The following PRDM5 variants were observed in gnomAD, a reference collection of about 807,000 sequenced individuals.
The protein encoded by PRDM5 is PR/SET domain 5, also known as PR domain zinc finger protein 5.
In PRDM5, 56 loss-of-function variants were observed where a neutral mutation model predicts 81.2. That is an observed-to-expected ratio of 0.69 (90% CI 0.56 to 0.86). The LOEUF (loss-of-function observed/expected upper bound fraction) is 0.86, where lower values mean the gene tolerates loss of function less well. Ranked by LOEUF, PRDM5 falls within the 40% of genes least tolerant of loss-of-function variation. PRDM5 has a pLI of 0.00. For missense variants in PRDM5, 697 were observed against 770.1 expected (o/e 0.91, Z 1.12); for synonymous variants, 267 against 256.4 (o/e 1.04, Z -0.39).
chr4:120,806,639 T>A (rs1295594254), intron 8 of PRDM5, among the ~76,000 whole-genome samples: 1 of 152,182 alleles, frequency 6.6e-6, no homozygotes, highest in Non-Finnish European at 1.5e-5. Flanking sequence ...GAAAACTGGC[T>A]AGCCATAGGT....
intron 8 of PRDM5, among the ~76,000 whole-genome samples, chr4:120,801,745 G>A (rs1464350567): frequency 2.0e-5 from 3 of 152,170 alleles, no homozygotes; most frequent in Non-Finnish European, 1.5e-5. Flanking sequence ...GTTAAAGGCA[G>A]CCTCTTCAAT....
At chr4:120,902,800 C>A (rs1331413361) in intron 2 of PRDM5, among the ~76,000 whole-genome samples, 1 of 152,242 alleles carries the variant, frequency 6.6e-6, no homozygotes, top group Non-Finnish European at 1.5e-5. Context: ...CTAGTGAGCA[C>A]TCTGAAGCAG....
At chr4:120,742,369 C>T (rs867913085) in intron 14 of PRDM5, among the ~76,000 whole-genome samples, 78 of 152,234 alleles carry the variant, frequency 5.1e-4, no homozygotes, top group African/African-American at 1.8e-3. Flanking sequence ...AAAAGCAGAG[C>T]GCCTCTCCTC....
intron 13 of PRDM5, among the ~76,000 whole-genome samples, chr4:120,767,146 AC>A (rs774881898): frequency 1.2e-4 from 19 of 152,232 alleles, no homozygotes; most frequent in Non-Finnish European, 2.5e-4. Context: ...GGCACTATCA[AC>A]AAAAAATAAA....
intron 1 of PRDM5, among the ~76,000 whole-genome samples, chr4:120,916,386 CATAAATAA>C (rs5861497): frequency 2.9e-3 from 433 of 147,032 alleles, no homozygotes; most frequent in East Asian, 0.016. Flanking sequence ...GACTGTATCT[CATAAATAA>C]ATAAATAAAT....
At chr4:120,722,463 A>C (rs771760092) in intron 14 of PRDM5, among the ~76,000 whole-genome samples, 1 of 151,896 alleles carries the variant, frequency 6.6e-6, no homozygotes, top group Non-Finnish European at 1.5e-5. Context: ...ACCCTGGAGG[A>C]GGACCCTTCC....
At chr4:120,762,391 C>T (rs752092394) in intron 13 of PRDM5, 5 of 152,132 alleles carry the variant, frequency 3.3e-5, no homozygotes, top group Non-Finnish European at 5.9e-5. Flanking sequence ...TGATATCGTT[C>T]CACATGGTTG....
intron 10 of PRDM5, among the ~76,000 whole-genome samples, chr4:120,790,442 T>C (rs773452220): frequency 5.2e-4 from 79 of 152,268 alleles, no homozygotes; most frequent in Non-Finnish European, 8.7e-4. Context: ...AGCCTAATAT[T>C]AATAACTCAT....
intron 2 of PRDM5, among the ~76,000 whole-genome samples, chr4:120,856,507 T>C (rs1466100359): frequency 6.6e-6 from 1 of 152,162 alleles, no homozygotes; most frequent in Non-Finnish European, 1.5e-5. Context: ...ATTGCACCAG[T>C]CTAGTCTTCA....
intron 2 of PRDM5, among the ~76,000 whole-genome samples, chr4:120,891,675 T>C (rs1764061908): frequency 6.6e-6 from 1 of 152,288 alleles, no homozygotes; most frequent in Admixed American, 6.5e-5. Flanking sequence ...AGTCTCACTG[T>C]GTCACCCAGA....
chr4:120,791,939 T>C (rs1041101598), intron 10 of PRDM5, among the ~76,000 whole-genome samples: 2 of 152,164 alleles, frequency 1.3e-5, no homozygotes, highest in African/African-American at 4.8e-5. Flanking sequence ...AAGTGGGCCC[T>C]CACTAGATAC....
At chr4:120,856,077 C>CT (rs371183203) in intron 2 of PRDM5, among the ~76,000 whole-genome samples, 23 of 152,256 alleles carry the variant, frequency 1.5e-4, no homozygotes, top group African/African-American at 4.3e-4. Flanking sequence ...TGTATTTCAG[C>CT]TTTTTCCCAG....
At chr4:120,690,895 T>C (rs909430368), downstream of PRDM5, among the ~76,000 whole-genome samples, 1 of 152,146 alleles carries the variant, frequency 6.6e-6, no homozygotes, top group Non-Finnish European at 1.5e-5. Flanking sequence ...ATTGATATAA[T>C]TTAACATCTT....
chr4:120,799,857 T>C (rs1578781838), intron 8 of PRDM5, 112 bp from the exon 9 acceptor site: 2 of 1,503,626 alleles, frequency 1.3e-6, no homozygotes, highest in South Asian at 1.3e-5. Context: ...ACCCAAACTA[T>C]ATATTACAAT....
At chr4:120,864,852 A>T (rs1761028464) in intron 2 of PRDM5, among the ~76,000 whole-genome samples, 1 of 152,240 alleles carries the variant, frequency 6.6e-6, no homozygotes, top group Non-Finnish European at 1.5e-5. Flanking sequence ...AAGAGCCCGT[A>T]CATCCATGTT....
At chr4:120,906,990 A>T (rs1023069747) in intron 2 of PRDM5, among the ~76,000 whole-genome samples, 6 of 147,940 alleles carry the variant, frequency 4.1e-5, no homozygotes, top group African/African-American at 1.5e-4. Context: ...ATATCTCAAC[A>T]GTCCACTTTC....
intron 11 of PRDM5, 126 bp from the exon 12 acceptor site, chr4:120,781,429 AT>A: frequency 1.2e-6 from 1 of 838,224 alleles, no homozygotes; most frequent in Non-Finnish European, 2.0e-6. Flanking sequence ...TTAACTTTTT[AT>A]TTTTTACAAC....
At chr4:120,866,184 C>G (rs1761181531) in intron 2 of PRDM5, among the ~76,000 whole-genome samples, 1 of 152,208 alleles carries the variant, frequency 6.6e-6, no homozygotes, top group Non-Finnish European at 1.5e-5. Flanking sequence ...GCTCAGATCA[C>G]TGTACCTCCT....
intron 2 of PRDM5, among the ~76,000 whole-genome samples, chr4:120,901,463 T>C (rs1765218088): frequency 1.3e-5 from 2 of 152,192 alleles, no homozygotes; most frequent in African/African-American, 4.8e-5. Context: ...GGAAAATAAA[T>C]GCATGTAAAA....
Sources: gnomAD v4.1 joint callset for allele counts (sites outside exome capture counted in the v4.1 genomes callset) on GRCh38, gnomAD v4.1.1 for gene constraint, MANE v1.5 for transcripts, NCBI Gene and HGNC (gene_info 2026-07-23, HGNC 2026-07-21) for gene names.